The following MARCHF1 variants were observed in gnomAD, a reference collection of about 807,000 sequenced individuals.
The protein encoded by MARCHF1 is E3 ubiquitin-protein ligase MARCHF1.
MARCHF1 carries 40 observed loss-of-function variants against 54.2 expected under a neutral mutation model. The observed-to-expected ratio is 0.74, with a 90% CI of 0.57 to 0.96. The LOEUF (loss-of-function observed/expected upper bound fraction) is 0.96. Ranked by LOEUF, MARCHF1 falls within the 40% of genes least tolerant of loss-of-function variation. MARCHF1 has a pLI of 0.00. For synonymous variants in MARCHF1, 236 were observed against 236.3 expected, an observed-to-expected ratio of 1.00 and a Z score of 0.01; for missense variants, 586 against 656.5, an observed-to-expected ratio of 0.89 and a Z score of 1.17.
At chr4:163,594,495 C>T (rs935134231) in intron 7 of MARCHF1, among the ~76,000 whole-genome samples, 4 of 150,654 alleles carry the variant, frequency 2.7e-5, no homozygotes, top group African/African-American at 9.7e-5. Flanking sequence ...AGTGCCAATA[C>T]ACACACACAC....
At chr4:163,962,354 C>T (rs1376153208) in intron 3 of MARCHF1, among the ~76,000 whole-genome samples, 2 of 151,910 alleles carry the variant, frequency 1.3e-5, no homozygotes, top group Admixed American at 1.3e-4. Flanking sequence ...TAAGATAACT[C>T]AGGAGAGGGG....
intron 1 of MARCHF1, among the ~76,000 whole-genome samples, chr4:164,172,804 C>G (rs1326557587): frequency 6.6e-6 from 1 of 151,956 alleles, no homozygotes; most frequent in Admixed American, 6.6e-5. Flanking sequence ...GGTGAAACCC[C>G]GTCTGTACTA....
At chr4:164,139,273 G>A (rs1706995061) in intron 1 of MARCHF1, among the ~76,000 whole-genome samples, 1 of 152,128 alleles carries the variant, frequency 6.6e-6, no homozygotes, top group Admixed American at 6.5e-5. Flanking sequence ...CACCAGTAAA[G>A]TGGCTTCACA....
intron 4 of MARCHF1, among the ~76,000 whole-genome samples, chr4:163,793,801 C>T (rs1579291662): frequency 6.6e-6 from 1 of 152,146 alleles, no homozygotes; most frequent in African/African-American, 2.4e-5. Flanking sequence ...CCCCCAGTCA[C>T]GTACCCCCTG....
intron 1 of MARCHF1, among the ~76,000 whole-genome samples, chr4:164,345,361 G>C (rs955624505): frequency 6.6e-6 from 1 of 152,060 alleles, no homozygotes; most frequent in African/African-American, 2.4e-5. Context: ...GAGTCCAGCA[G>C]TTCAAGACCA....
rs959437058 is a variant in MARCHF1, at chr4:164,119,324, G to A, written c.-322-7662C>T. On this transcript the variant is annotated intron_variant, in intron 1 of 9. Coordinates refer to ENST00000514618, the MANE Select transcript of MARCHF1 (RefSeq NM_001394959.1). Reference sequence around the variant, plus strand: ...AAAAAATAATGATAATGAAAACTTAGACTGTCAGAATCTATAGGATTATAT... The same window carrying A: ...AAAAAATAATGATAATGAAAACTTAAACTGTCAGAATCTATAGGATTATAT... Among the ~76,000 whole-genome samples the A allele has an allele frequency of 1.1e-4, 17 of 150,834 alleles. 1 individual carries two copies. Among genetic ancestry groups the A allele is most frequent in the African/African-American group, 4.1e-4 (17 of 41,146 alleles).
chr4:164,097,937 C>G (rs926966828), intron 2 of MARCHF1, among the ~76,000 whole-genome samples: 2 of 152,170 alleles, frequency 1.3e-5, no homozygotes, highest in Admixed American at 1.3e-4. Flanking sequence ...AACACAGAAG[C>G]TGGACCTGCT....
chr4:164,114,150 G>A (rs1044487960), intron 1 of MARCHF1, among the ~76,000 whole-genome samples: 3 of 151,778 alleles, frequency 2.0e-5, no homozygotes, highest in Admixed American at 6.6e-5. Context: ...CAAAACATAC[G>A]TTTATCTACC....
chr4:164,009,112 C>A (rs1450677665), intron 2 of MARCHF1, among the ~76,000 whole-genome samples: 1 of 151,812 alleles, frequency 6.6e-6, no homozygotes, highest in African/African-American at 2.4e-5. Context: ...ATATCAAAAA[C>A]ATAAAAGAAT....
chr4:164,114,328 T>G (rs940907644), intron 1 of MARCHF1, among the ~76,000 whole-genome samples: 1 of 151,944 alleles, frequency 6.6e-6, no homozygotes, highest in Non-Finnish European at 1.5e-5. Flanking sequence ...CCATTCACAT[T>G]ATTTTCTTAT....
chr4:163,722,229 G>GTC (rs1394868427), intron 4 of MARCHF1, among the ~76,000 whole-genome samples: 1 of 151,946 alleles, frequency 6.6e-6, no homozygotes, highest in Non-Finnish European at 1.5e-5. Context: ...GGTATGCTGT[G>GTC]TCTTTGTTCT....
chr4:163,543,596 AG>A (rs1489522608), intron 9 of MARCHF1, among the ~76,000 whole-genome samples: 1 of 152,102 alleles, frequency 6.6e-6, no homozygotes, highest in African/African-American at 2.4e-5. Context: ...AGAATGAGCA[AG>A]GAGACAGAAA....
intron 1 of MARCHF1, among the ~76,000 whole-genome samples, chr4:164,242,318 C>A (rs1054495842): frequency 1.8e-5 from 2 of 109,746 alleles, no homozygotes; most frequent in Non-Finnish European, 3.9e-5. Flanking sequence ...GGGTCCCTGA[C>A]CCCTGACCCC....
intron 2 of MARCHF1, among the ~76,000 whole-genome samples, chr4:164,030,352 G>A (rs114870794): frequency 0.014 from 2,122 of 152,094 alleles, 42 homozygotes; most frequent in African/African-American, 0.045. Context: ...AAATGAAGAA[G>A]CATTTTTAAT....
chr4:163,824,282 C>T (rs1748781009), intron 4 of MARCHF1, among the ~76,000 whole-genome samples: 1 of 151,766 alleles, frequency 6.6e-6, no homozygotes, highest in Admixed American at 6.6e-5. Context: ...AATCTGGTGC[C>T]AAAACAGAGA....
At chr4:164,073,035 C>T (rs115523701) in intron 2 of MARCHF1, among the ~76,000 whole-genome samples, 1,717 of 152,074 alleles carry the variant, frequency 0.011, 26 homozygotes, top group African/African-American at 0.038. Context: ...TGGTAGAATT[C>T]GCATAGTCAG....
chr4:163,852,565 T>C (rs1749670137), intron 4 of MARCHF1, among the ~76,000 whole-genome samples: 1 of 152,162 alleles, frequency 6.6e-6, no homozygotes, highest in Admixed American at 6.6e-5. Context: ...GACGAGATAA[T>C]GCAGATGACA....
At chr4:163,705,743 A>G (rs1428371223) in intron 4 of MARCHF1, among the ~76,000 whole-genome samples, 1 of 151,994 alleles carries the variant, frequency 6.6e-6, no homozygotes, top group Admixed American at 6.6e-5. Context: ...TAAAATACAG[A>G]AACTACAAAA....
intron 4 of MARCHF1, among the ~76,000 whole-genome samples, chr4:163,719,291 T>C (rs1007891232): frequency 6.6e-6 from 1 of 152,150 alleles, no homozygotes; most frequent in Non-Finnish European, 1.5e-5. Context: ...TTTGGTTTTT[T>C]GTTCTTGCGA....
Sources: allele counts gnomAD v4.1 joint callset (sites outside exome capture counted in the v4.1 genomes callset), GRCh38; gene constraint gnomAD v4.1.1; transcripts MANE v1.5; gene names NCBI Gene and HGNC (gene_info 2026-07-23, HGNC 2026-07-21).